Variants in FAM149B1 observed in about 807,000 individuals in gnomAD.
FAM149B1 encodes the protein primary cilium assembly protein FAM149B1.
In FAM149B1, 56 loss-of-function variants were observed where a neutral mutation model predicts 75.3. That is an observed-to-expected ratio of 0.74 (90% CI 0.60 to 0.93). FAM149B1 has a LOEUF of 0.93. Among genes scored for constraint, FAM149B1 ranks in the 40% least tolerant of loss-of-function variants. FAM149B1 has a pLI of 0.00. For synonymous variants in FAM149B1, 259 were observed against 256.1 expected (o/e 1.01, Z -0.11); for missense variants, 639 against 708.4 (o/e 0.90, Z 1.11).
chr10:73,205,667 C>T (rs1283335008), intron 5 of FAM149B1, among the ~76,000 whole-genome samples: 1 of 152,180 alleles, frequency 6.6e-6, no homozygotes, highest in African/African-American at 2.4e-5. Context: ...AATTCTCCTG[C>T]CTTAGCCTCC....
intron 7 of FAM149B1, among the ~76,000 whole-genome samples, chr10:73,218,023 CA>C (rs1374989204): frequency 1.3e-5 from 2 of 152,100 alleles, no homozygotes; most frequent in Non-Finnish European, 2.9e-5. Context: ...GTTCTATACA[CA>C]ATTTCTCTCC....
chr10:73,233,104 G>A lies in FAM149B1; in HGVS notation c.1293G>A (p.Thr431=), dbSNP rs748791406. ...CACGAACTCTTCATCCGATCAGCACGAGCCATTCATGTGCTGAAACACCAA... is the reference window on the plus strand; with the variant it reads ...CACGAACTCTTCATCCGATCAGCACAAGCCATTCATGTGCTGAAACACCAA... ...PPPRTLHPIS[T]SHSCAETPRS... Residue 431 remains threonine, a synonymous_variant, in exon 10 of 14, where the codon ACG becomes ACA. Coordinates refer to ENST00000242505, the MANE Select transcript of FAM149B1 (RefSeq NM_173348.2). 1.8e-5 allele frequency: 28 copies of A among 1,551,582 alleles called. No homozygotes were observed. In the South Asian group the frequency reaches 2.6e-4, roughly 15 times the overall value.
At chr10:73,200,058 G>A in intron 5 of FAM149B1, 1 of 175,394 alleles carries the variant, frequency 5.7e-6, no homozygotes, top group Non-Finnish European at 1.2e-5. Context: ...GCCAGGCGCA[G>A]TGGCTCATGC....
At chr10:73,235,100 A>C in intron 11 of FAM149B1, 93 bp from the exon 12 acceptor site, 2 of 1,463,892 alleles carry the variant, frequency 1.4e-6, no homozygotes, top group Non-Finnish European at 9.3e-7. Flanking sequence ...TTTGGCCTGC[A>C]CTTACCATAT....
chr10:73,206,588 A>G (rs572568874), intron 5 of FAM149B1, among the ~76,000 whole-genome samples: 36 of 152,356 alleles, frequency 2.4e-4, no homozygotes, highest in African/African-American at 7.9e-4. Context: ...CTAGGAGGGA[A>G]GAATGGTTCT....
chr10:73,190,822 A>G (rs1318413668), intron 3 of FAM149B1, among the ~76,000 whole-genome samples: 1 of 151,734 alleles, frequency 6.6e-6, no homozygotes, highest in South Asian at 2.1e-4. Flanking sequence ...GGGCTCAAGT[A>G]GTCCTCCCAC....
At chr10:73,181,078 C>A (rs2042386339) in intron 3 of FAM149B1, among the ~76,000 whole-genome samples, 1 of 151,370 alleles carries the variant, frequency 6.6e-6, no homozygotes, top group Non-Finnish European at 1.5e-5. Flanking sequence ...ACGATCTCGG[C>A]TCACTGCAAG....
intron 9 of FAM149B1, among the ~76,000 whole-genome samples, chr10:73,232,303 G>GACTT (rs2043725261): frequency 6.6e-6 from 1 of 152,234 alleles, no homozygotes; most frequent in African/African-American, 2.4e-5. Flanking sequence ...TTTATTGGAC[G>GACTT]ACTTACAGAA....
chr10:73,172,569 C>T (rs1336696119), intron 1 of FAM149B1, among the ~76,000 whole-genome samples: 2 of 152,270 alleles, frequency 1.3e-5, no homozygotes, highest in South Asian at 2.1e-4. Flanking sequence ...ATCTGTGTAA[C>T]TTTGTTCAAC....
At chr10:73,172,766 C>T (rs1005861464) in intron 1 of FAM149B1, among the ~76,000 whole-genome samples, 6 of 151,768 alleles carry the variant, frequency 4.0e-5, no homozygotes, top group Non-Finnish European at 7.4e-5. Flanking sequence ...ATGATATAAG[C>T]CACATATGTA....
At chr10:73,231,925 T>TTAAAAAA (rs768190966) in intron 9 of FAM149B1, among the ~76,000 whole-genome samples, 1 of 142,020 alleles carries the variant, frequency 7.0e-6, no homozygotes, top group African/African-American at 2.6e-5. Flanking sequence ...TAGGGTGTGT[T>TTAAAAAA]AAAAAAAAAA....
In FAM149B1 at chr10:73,169,443, T is replaced by G. The variant is rs182234731; in HGVS notation, c.47+1057T>G. Among the ~76,000 whole-genome samples the G allele has an allele frequency of 6.0e-5, 9 of 150,950 alleles. No individual in the cohort carries two copies. The East Asian group carries it at 1.7e-3, about 29-fold the overall frequency. On this transcript the variant is annotated intron_variant, in intron 1 of 13. Coordinates refer to ENST00000242505, the MANE Select transcript of FAM149B1 (RefSeq NM_173348.2). ...CATACATTTATTAATGCTTTACACT[T>G]CCAAAAGGGCCTTCACTTTTTTTTT... is the stretch of plus-strand genomic sequence containing the variant.
At chr10:73,240,093 T>A (rs555451676) in intron 13 of FAM149B1, among the ~76,000 whole-genome samples, 8 of 152,318 alleles carry the variant, frequency 5.3e-5, no homozygotes, top group African/African-American at 1.9e-4. Context: ...CCAGGTAATT[T>A]ATTTTTTGTA....
At chr10:73,177,766 T>C in intron 2 of FAM149B1, 80 bp from the exon 3 acceptor site, 2 of 1,293,530 alleles carry the variant, frequency 1.5e-6, no homozygotes, top group South Asian at 1.3e-5. Flanking sequence ...AGTAAGTTGC[T>C]GAGTAGTTAA....
intron 2 of FAM149B1, among the ~76,000 whole-genome samples, chr10:73,175,088 G>A (rs910465858): frequency 6.6e-6 from 1 of 152,096 alleles, no homozygotes; most frequent in Admixed American, 6.6e-5. Context: ...ACAGAACATG[G>A]AGCTTGGTAC....
intron 1 of FAM149B1, 141 bp from the exon 2 acceptor site, chr10:73,174,546 C>A: frequency 1.8e-6 from 1 of 556,834 alleles, no homozygotes; most frequent in Non-Finnish European, 3.2e-6. Flanking sequence ...TCTGACTAGC[C>A]AGATTTTAAT....
intron 12 of FAM149B1, chr10:73,238,821 C>G (rs1261972117): frequency 1.3e-5 from 2 of 152,416 alleles, no homozygotes; most frequent in Non-Finnish European, 2.9e-5. Flanking sequence ...AGTCGTATCT[C>G]TACATTTTTT....
rs1439091451 is a variant in FAM149B1 at position 73,177,999 on chromosome 10, A to G, written c.282+24A>G. ...GTGTGAGTTATATGTTATCAGTCTG[A>G]TAGAGTGCTTGGGAGATGATTCTGG... is the stretch of plus-strand genomic sequence containing the variant. On this transcript the variant is annotated intron_variant, in intron 3 of 13. Coordinates refer to ENST00000242505, the MANE Select transcript of FAM149B1 (RefSeq NM_173348.2). The G allele has an allele frequency of 2.6e-6, 4 of 1,531,588 alleles. No homozygotes were observed. In the South Asian group the frequency reaches 4.9e-5, roughly 19 times the overall value. The allele number at this position is 1,531,588 out of a possible 1,614,324, so 94.9% of individuals were successfully genotyped here. A position where few individuals can be genotyped will look rare whatever the true frequency, so the allele number is the denominator to read the frequency against.
At chr10:73,188,251 A>G (rs967209502) in intron 3 of FAM149B1, among the ~76,000 whole-genome samples, 1 of 152,160 alleles carries the variant, frequency 6.6e-6, no homozygotes, top group African/African-American at 2.4e-5. Flanking sequence ...TCCTTAACAA[A>G]TGTTGCTGGG....
Sources: gnomAD v4.1 joint callset for allele counts (sites outside exome capture counted in the v4.1 genomes callset) on GRCh38, gnomAD v4.1.1 for gene constraint, MANE v1.5 for transcripts, NCBI Gene and HGNC (gene_info 2026-07-23, HGNC 2026-07-21) for gene names.